CPNE4: variants seen among roughly 807,000 people sequenced by gnomAD.
CPNE4 encodes the protein copine-4.
CPNE4 carries 25 observed loss-of-function variants against 67.9 expected under a neutral mutation model. The observed-to-expected ratio is 0.37, with a 90% CI of 0.27 to 0.51. The LOEUF is 0.51. Among genes scored for constraint, CPNE4 ranks in the 20% least tolerant of loss-of-function variants. The pLI is 0.93. For synonymous variants in CPNE4, 242 were observed against 244.9 expected, an observed-to-expected ratio of 0.99 and a Z score of 0.11; for missense variants, 464 against 690.8, an observed-to-expected ratio of 0.67 and a Z score of 3.68.
intron 4 of CPNE4, among the ~76,000 whole-genome samples, chr3:131,698,608 T>TAA (rs556686311): frequency 0.12 from 16,720 of 137,662 alleles, 1,025 homozygotes; most frequent in African/African-American, 0.15. Flanking sequence ...TTCCTGTGCT[T>TAA]AAAAAAAAAA....
chr3:131,963,746 T>C (rs1156900412), intron 1 of CPNE4, among the ~76,000 whole-genome samples: 2 of 152,168 alleles, frequency 1.3e-5, no homozygotes, highest in Non-Finnish European at 2.9e-5. Context: ...CACGGGCTTA[T>C]AGATAAAACT....
chr3:131,975,275 C>T (rs1000008961), intron 1 of CPNE4, among the ~76,000 whole-genome samples: 6 of 152,062 alleles, frequency 3.9e-5, no homozygotes, highest in South Asian at 4.2e-4. Flanking sequence ...AAACAGGAAG[C>T]GATAAGAAAG....
At chr3:131,619,387 T>G (rs1469618090) in intron 7 of CPNE4, among the ~76,000 whole-genome samples, 1 of 152,010 alleles carries the variant, frequency 6.6e-6, no homozygotes, top group Non-Finnish European at 1.5e-5. Flanking sequence ...ATTTGCAGAG[T>G]CAGTCAGCAT....
chr3:131,731,827 T>G (rs1490201105), intron 2 of CPNE4, among the ~76,000 whole-genome samples: 1 of 152,166 alleles, frequency 6.6e-6, no homozygotes, highest in African/African-American at 2.4e-5. Flanking sequence ...CTTGCTGTAG[T>G]TTAGTGAAAT....
intron 7 of CPNE4, among the ~76,000 whole-genome samples, chr3:131,626,637 G>A (rs2107769082): frequency 6.6e-6 from 1 of 152,376 alleles, no homozygotes. Context: ...AAGTGAAGCA[G>A]CAAGTGCTGA....
At chr3:131,978,752 C>G (rs944406295) in intron 1 of CPNE4, among the ~76,000 whole-genome samples, 1 of 149,524 alleles carries the variant, frequency 6.7e-6, no homozygotes, top group Non-Finnish European at 1.5e-5. Flanking sequence ...TGGTTTGTTC[C>G]TGTTTTTCTA....
chr3:132,020,148 G>A (rs2073963481), intron 1 of CPNE4, among the ~76,000 whole-genome samples: 1 of 152,082 alleles, frequency 6.6e-6, no homozygotes, highest in South Asian at 2.1e-4. Flanking sequence ...ACAAGAGCTT[G>A]TGAAGGGCTT....
At chr3:131,952,646 C>T (rs1175178110) in intron 1 of CPNE4, among the ~76,000 whole-genome samples, 27 of 148,256 alleles carry the variant, frequency 1.8e-4, no homozygotes, top group African/African-American at 5.8e-4. Flanking sequence ...CCCGGCCAGC[C>T]GCCCCGTCTG....
chr3:131,716,882 CCCACA>C lies in CPNE4; in HGVS notation c.360+6559_360+6563del, dbSNP rs943706486. On this transcript the variant is annotated intron_variant, in intron 3 of 15. Transcript: ENST00000429747. ...GGGATTTGACCCCAGACCATCAGACCCCACACCATGTACACGTCAGCACTAGGAAA... is the reference window on the plus strand; with the variant it reads ...GGGATTTGACCCCAGACCATCAGACCCCATGTACACGTCAGCACTAGGAAA... Among the ~76,000 whole-genome samples, 89 of 152,340 alleles carry C rather than the reference CCCACA, an allele frequency of 5.8e-4. 1 individual carries two copies. The highest frequency in any genetic ancestry group is 2.0e-3 in the African/African-American group (85 of 41,576).
chr3:131,690,146 CATCA>C (rs1473316659), intron 5 of CPNE4, among the ~76,000 whole-genome samples: 1 of 152,102 alleles, frequency 6.6e-6, no homozygotes, highest in Non-Finnish European at 1.5e-5. Flanking sequence ...ATGCTACTTA[CATCA>C]AACTATAAAC....
intron 2 of CPNE4, among the ~76,000 whole-genome samples, chr3:131,898,618 A>G (rs1427369380): frequency 3.3e-5 from 5 of 152,102 alleles, no homozygotes; most frequent in Admixed American, 1.3e-4. Context: ...AAGGAATCCA[A>G]TTAGTCACAT....
At chr3:131,809,505 C>A (rs1456585518) in intron 2 of CPNE4, among the ~76,000 whole-genome samples, 3 of 150,744 alleles carry the variant, frequency 2.0e-5, no homozygotes, top group East Asian at 1.9e-4. Context: ...AAAGTGAATA[C>A]CCCTTCCCGC....
chr3:131,605,968 A>G (rs1939477354), intron 7 of CPNE4, among the ~76,000 whole-genome samples: 1 of 152,168 alleles, frequency 6.6e-6, no homozygotes, highest in Non-Finnish European at 1.5e-5. Flanking sequence ...TGAACCCATG[A>G]CAGGTAATCA....
At chr3:131,663,105 T>C (rs10222551) in intron 7 of CPNE4, among the ~76,000 whole-genome samples, 46,739 of 152,102 alleles carry the variant, frequency 0.31, 7,394 homozygotes, top group Middle Eastern at 0.34. Flanking sequence ...ATGTGGCACA[T>C]ATACACCATG....
chr3:132,022,888 C>G (rs191526075), intron 1 of CPNE4, among the ~76,000 whole-genome samples: 1 of 152,142 alleles, frequency 6.6e-6, no homozygotes, highest in African/African-American at 2.4e-5. Flanking sequence ...CCCCGTCATT[C>G]GCTTGTTTCC....
intron 7 of CPNE4, among the ~76,000 whole-genome samples, chr3:131,622,976 T>C (rs1239208997): frequency 2.0e-5 from 3 of 152,196 alleles, no homozygotes; most frequent in African/African-American, 4.8e-5. Context: ...CATCAATAGG[T>C]GTCTAGAAGA....
At chr3:131,992,595 G>A (rs1334174574) in intron 1 of CPNE4, among the ~76,000 whole-genome samples, 1 of 136,052 alleles carries the variant, frequency 7.4e-6, no homozygotes, top group Non-Finnish European at 1.7e-5. Context: ...ATGCTGGAAT[G>A]AGCTAAGACA....
At chr3:131,606,695 G>A (rs1398485235) in intron 7 of CPNE4, among the ~76,000 whole-genome samples, 1 of 152,066 alleles carries the variant, frequency 6.6e-6, no homozygotes, top group African/African-American at 2.4e-5. Flanking sequence ...GCTCCACTGG[G>A]CAACCATCAT....
intron 10 of CPNE4, among the ~76,000 whole-genome samples, chr3:131,570,976 ACT>A (rs1277454441): frequency 6.6e-6 from 1 of 151,318 alleles, no homozygotes; most frequent in Non-Finnish European, 1.5e-5. Flanking sequence ...CCTTCCCTTC[ACT>A]GTTAACTTCT....
Sources: gnomAD v4.1 joint callset for allele counts (sites outside exome capture counted in the v4.1 genomes callset) on GRCh38, gnomAD v4.1.1 for gene constraint, MANE v1.5 for transcripts, NCBI Gene and HGNC (gene_info 2026-07-23, HGNC 2026-07-21) for gene names.